ARB2A: variants seen among roughly 807,000 people sequenced by gnomAD.
The protein encoded by ARB2A is cotranscriptional regulator ARB2A.
chr5:93,828,774 ATATC>A, the ARB2A span, among the ~76,000 whole-genome samples: 1 of 152,134 alleles, frequency 6.6e-6, no homozygotes, highest in East Asian at 1.9e-4. Context: ...TCAAACTCCT[ATATC>A]TATTTTTTTA....
At chr5:93,892,650 T>C in the ARB2A span, among the ~76,000 whole-genome samples, 1 of 152,152 alleles carries the variant, frequency 6.6e-6, no homozygotes, top group Non-Finnish European at 1.5e-5. Context: ...TATTCAACCA[T>C]ACTTAGTTGA....
the ARB2A span, among the ~76,000 whole-genome samples, chr5:93,970,224 C>T: frequency 6.6e-6 from 1 of 151,882 alleles, no homozygotes; most frequent in African/African-American, 2.4e-5. Context: ...ACACCAATAC[C>T]CATACATCAC....
the ARB2A span, among the ~76,000 whole-genome samples, chr5:94,083,180 T>A: frequency 1.3e-5 from 2 of 152,216 alleles, no homozygotes; most frequent in Non-Finnish European, 2.9e-5. Context: ...ATTTATATTA[T>A]TAGACCTATG....
the ARB2A span, among the ~76,000 whole-genome samples, chr5:93,784,013 C>T: frequency 6.6e-6 from 1 of 152,052 alleles, no homozygotes; most frequent in African/African-American, 2.4e-5. Flanking sequence ...ACTAAGTGTA[C>T]CTTATGCGTC....
At chr5:93,851,959 G>A in the ARB2A span, among the ~76,000 whole-genome samples, 2 of 152,176 alleles carry the variant, frequency 1.3e-5, no homozygotes, top group Non-Finnish European at 2.9e-5. Context: ...AGTCCTTTGT[G>A]TATATACCCA....
the ARB2A span, among the ~76,000 whole-genome samples, chr5:93,716,057 T>G: frequency 6.6e-6 from 1 of 152,182 alleles, no homozygotes; most frequent in East Asian, 1.9e-4. Context: ...GCTCATCATT[T>G]CTCCATCTCT....
At chr5:94,026,906 GA>G in the ARB2A span, among the ~76,000 whole-genome samples, 2 of 152,170 alleles carry the variant, frequency 1.3e-5, no homozygotes, top group African/African-American at 4.8e-5. Flanking sequence ...GAGCAGAAGT[GA>G]AAAGTCAGAC....
At chr5:93,692,644 CAG>C in the ARB2A span, among the ~76,000 whole-genome samples, 1 of 152,134 alleles carries the variant, frequency 6.6e-6, no homozygotes, top group African/African-American at 2.4e-5. Context: ...ATCAACAAGA[CAG>C]AAAATTAACA....
At chr5:94,074,229 T>C in the ARB2A span, among the ~76,000 whole-genome samples, 1 of 152,204 alleles carries the variant, frequency 6.6e-6, no homozygotes, top group South Asian at 2.1e-4. Context: ...TTCCAAAACG[T>C]TAACATGTAT....
chr5:94,039,918 G>C, the ARB2A span, among the ~76,000 whole-genome samples: 1 of 152,128 alleles, frequency 6.6e-6, no homozygotes, highest in Admixed American at 6.5e-5. Flanking sequence ...CTGCAGCACT[G>C]ATCAACTGAC....
chr5:93,824,187 G>A, the ARB2A span: 22 of 1,595,452 alleles, frequency 1.4e-5, no homozygotes, highest in Admixed American at 2.1e-4. Context: ...TGTGAGCAAC[G>A]AAAAACACAT....
the ARB2A span, among the ~76,000 whole-genome samples, chr5:94,007,808 G>A: frequency 1.2e-4 from 18 of 149,658 alleles, no homozygotes; most frequent in East Asian, 3.5e-3. Flanking sequence ...AGACTCACAT[G>A]TCTAAAACAA....
the ARB2A span, among the ~76,000 whole-genome samples, chr5:93,907,023 T>C: frequency 1.5e-4 from 23 of 151,472 alleles, no homozygotes; most frequent in Non-Finnish European, 3.3e-4. Flanking sequence ...TATAGATATA[T>C]GAGCATGCAT....
At chr5:93,658,131 C>T in the ARB2A span, among the ~76,000 whole-genome samples, 4 of 152,072 alleles carry the variant, frequency 2.6e-5, no homozygotes, top group Admixed American at 6.6e-5. Flanking sequence ...GTACTATCAG[C>T]TTGTCTGAGA....
chr5:93,946,049 A>C, the ARB2A span, among the ~76,000 whole-genome samples: 1 of 152,160 alleles, frequency 6.6e-6, no homozygotes, highest in East Asian at 1.9e-4. Context: ...TGAATCTTTA[A>C]AATAAAGTGA....
the ARB2A span, among the ~76,000 whole-genome samples, chr5:93,631,731 C>T: frequency 6.6e-6 from 1 of 150,786 alleles, no homozygotes; most frequent in South Asian, 2.1e-4. Context: ...CCAGCTTCCC[C>T]TCACTGCTTA....
the ARB2A span, among the ~76,000 whole-genome samples, chr5:93,821,288 G>A: frequency 6.6e-6 from 1 of 152,014 alleles, no homozygotes; most frequent in African/African-American, 2.4e-5. Flanking sequence ...TACAAACTAA[G>A]ACTGTTCCCT....
At chr5:93,696,550 C>A in the ARB2A span, among the ~76,000 whole-genome samples, 1 of 152,190 alleles carries the variant, frequency 6.6e-6, no homozygotes, top group Admixed American at 6.5e-5. Context: ...ATCCTCATCC[C>A]TCTCTCCTGG....
chr5:93,665,126 C>T, the ARB2A span, among the ~76,000 whole-genome samples: 6 of 152,214 alleles, frequency 3.9e-5, no homozygotes, highest in Non-Finnish European at 8.8e-5. Context: ...TGCACCTGGC[C>T]TTCAACGCAT....
Sources: allele counts gnomAD v4.1 joint callset (sites outside exome capture counted in the v4.1 genomes callset), GRCh38; gene constraint gnomAD v4.1.1; transcripts MANE v1.5; gene names NCBI Gene and HGNC (gene_info 2026-07-23, HGNC 2026-07-21).